The following SLC16A4 variants were observed in gnomAD, a reference collection of about 807,000 sequenced individuals.
SLC16A4 encodes probable monocarboxylate transporter 5.
Under a neutral mutation model 47.9 loss-of-function variants are expected in SLC16A4, and 39 were observed. That is an observed-to-expected ratio of 0.81 (90% CI 0.63 to 1.06). The LOEUF is 1.06. SLC16A4 is among the 50% of genes least tolerant of loss of function. SLC16A4 has a pLI of 0.00. For synonymous variants in SLC16A4, 189 were observed against 199.9 expected (o/e 0.95, Z 0.46); for missense variants, 524 against 573.8 (o/e 0.91, Z 0.89).
At chr1:110,367,263 G>A (rs559427603) in intron 8 of SLC16A4, among the ~76,000 whole-genome samples, 102 of 152,340 alleles carry the variant, frequency 6.7e-4, no homozygotes, top group Non-Finnish European at 1.0e-3. Context: ...GAAGGCCAAG[G>A]CAGGCAGATC....
At chr1:110,373,808 G>A (rs1661818042) in intron 8 of SLC16A4, among the ~76,000 whole-genome samples, 1 of 148,838 alleles carries the variant, frequency 6.7e-6, no homozygotes, top group Non-Finnish European at 1.5e-5. Flanking sequence ...CCGTGTAGCT[G>A]GGACTACAGG....
chr1:110,376,063 G>A, intron 7 of SLC16A4, among the ~76,000 whole-genome samples: 1 of 151,908 alleles, frequency 6.6e-6, no homozygotes, highest in African/African-American at 2.4e-5. Flanking sequence ...TTTTTGTAGA[G>A]ACGGAGTTTC....
chr1:110,380,619 T>G (rs1662319781), intron 5 of SLC16A4, among the ~76,000 whole-genome samples: 3 of 112,178 alleles, frequency 2.7e-5, no homozygotes, highest in African/African-American at 3.4e-5. Flanking sequence ...AAAGTGAGGG[T>G]TTTTGATGGG....
Position 110,378,844 on chromosome 1 carries a change from C to A in SLC16A4, c.1030+9G>T. On this transcript the variant is annotated intron_variant, in intron 6 of 8. Coordinates refer to ENST00000369779, the MANE Select transcript of SLC16A4 (RefSeq NM_004696.3). ...CTTTTGGGTAGGAGGCTGATGTAGG[C>A]TTTCTTACCTGCTACAGAAACAAGG... is the stretch of plus-strand genomic sequence containing the variant. 2 of 1,594,330 alleles carry A rather than the reference C, an allele frequency of 1.3e-6. No individual in the cohort carries two copies. Among genetic ancestry groups the A allele is most frequent in the African/African-American group, 1.3e-5 (1 of 74,258 alleles).
chr1:110,390,214 T>C (rs568636050), intron 1 of SLC16A4, among the ~76,000 whole-genome samples: 68 of 152,238 alleles, frequency 4.5e-4, no homozygotes, highest in African/African-American at 1.6e-3. Flanking sequence ...CTCCTAGAAC[T>C]GTACTCAGTG....
intron 2 of SLC16A4, among the ~76,000 whole-genome samples, chr1:110,384,040 A>G (rs1204135968): frequency 6.6e-6 from 1 of 152,066 alleles, no homozygotes; most frequent in Non-Finnish European, 1.5e-5. Context: ...ATTGAAGTTT[A>G]GAGAGGTAAA....
At chr1:110,372,154 T>C (rs981101308) in intron 8 of SLC16A4, 2 of 152,216 alleles carry the variant, frequency 1.3e-5, no homozygotes, top group African/African-American at 4.8e-5. Flanking sequence ...GAGAGAAATA[T>C]TGTTCATGTA....
In SLC16A4 at chr1:110,391,026, C is replaced by T. The variant is rs1276429292; in HGVS notation, c.-194G>A. 2 of 152,166 alleles carry T rather than the reference C, an allele frequency of 1.3e-5. No individual in the cohort carries two copies. Among genetic ancestry groups the T allele is most frequent in the Non-Finnish European group, 2.9e-5 (2 of 68,030 alleles). The allele number at this position is 152,166 out of a possible 1,614,324, so 9.4% of individuals were successfully genotyped here. ...TTGTAAGAGCCAAGGAGGGCTCAGA[C>T]GATTTAGGCCCTCCTGCTAGTGGAC... is the stretch of plus-strand genomic sequence containing the variant. On this transcript the variant is annotated 5_prime_UTR_variant, in exon 1 of 9. Transcript: ENST00000369779.
At chr1:110,389,953 G>A (rs2101089287) in intron 1 of SLC16A4, among the ~76,000 whole-genome samples, 1 of 152,216 alleles carries the variant, frequency 6.6e-6, no homozygotes. Context: ...TCACTATCTG[G>A]GTGAGGGGTT....
intron 7 of SLC16A4, 97 bp from the exon 8 acceptor site, chr1:110,375,648 C>A: frequency 1.5e-6 from 1 of 686,832 alleles, no homozygotes; most frequent in South Asian, 1.9e-5. Context: ...TCATCTCAAG[C>A]TATGAACAGT....
chr1:110,375,396 C>A, intron 8 of SLC16A4, 62 bp downstream of exon 8: 2 of 917,368 alleles, frequency 2.2e-6, no homozygotes, highest in East Asian at 4.8e-5. Context: ...ACCATTAATC[C>A]TGGATCAGTT....
At chr1:110,376,919 T>G (rs748220392) in intron 7 of SLC16A4, 31 bp downstream of exon 7, 1 of 1,563,174 alleles carries the variant, frequency 6.4e-7, no homozygotes, top group African/African-American at 1.4e-5. Context: ...TACTAAATGG[T>G]TTAACAATGT....
chr1:110,375,339 A>G, intron 8 of SLC16A4, 119 bp downstream of exon 8: 1 of 668,698 alleles, frequency 1.5e-6, no homozygotes, highest in Non-Finnish European at 2.7e-6. Context: ...ATATAGGAAA[A>G]GCAGAAATAA....
chr1:110,379,124 T>C lies in SLC16A4; in HGVS notation c.759A>G (p.Thr253=), dbSNP rs1662202301. Residue 253 remains threonine (T), a synonymous_variant, in exon 6 of 9, where the codon ACA becomes ACG. Transcript: ENST00000369779. ...ACTCTTCACTTTGATTTTGTGAGAC[T>C]GTTAAATTTTTGCTAGGTAGTCCAG... ...QKAGLPSKNL[T]VSQNQSEEFY... is the part of the protein sequence containing the mutation. 6.2e-7 allele frequency: 1 copy of C among 1,614,266 alleles called. No homozygotes were observed.
chr1:110,390,514 T>C (rs11805148), intron 1 of SLC16A4, among the ~76,000 whole-genome samples: 4,041 of 152,344 alleles, frequency 0.027, 99 homozygotes, highest in South Asian at 0.063. Context: ...TACAGAATAC[T>C]GTACCAAGGT....
intron 7 of SLC16A4, among the ~76,000 whole-genome samples, chr1:110,376,742 C>T (rs1557906782): frequency 6.6e-6 from 1 of 152,096 alleles, no homozygotes; most frequent in Non-Finnish European, 1.5e-5. Context: ...AATTTTATTC[C>T]TGTCCCATGT....
intron 4 of SLC16A4, among the ~76,000 whole-genome samples, chr1:110,381,426 A>G (rs1426092255): frequency 6.6e-6 from 1 of 152,162 alleles, no homozygotes; most frequent in African/African-American, 2.4e-5. Context: ...GGCTCAAGCA[A>G]TCCTCCCACC....
rs542273389 is a variant in SLC16A4, at chr1:110,380,058, C to CAAAAAAAAAAAAAAAAAAAAAAAAAAAA, written c.527-703_527-702insTTTTTTTTTTTTTTTTTTTTTTTTTTTT. On this transcript the variant is annotated intron_variant, in intron 5 of 8. Coordinates refer to ENST00000369779, the MANE Select transcript of SLC16A4 (RefSeq NM_004696.3). ...AATGACAAAGCGAGAGAGCCTGTCT[C>CAAAAAAAAAAAAAAAAAAAAAAAAAAAA]AAAAAAAAAAAAAAAGCAGCGGGAG... is the stretch of plus-strand genomic sequence containing the variant. Among the ~76,000 whole-genome samples, 41 of 96,240 alleles carry CAAAAAAAAAAAAAAAAAAAAAAAAAAAA rather than the reference C, an allele frequency of 4.3e-4. 2 individuals are homozygous for CAAAAAAAAAAAAAAAAAAAAAAAAAAAA. Among genetic ancestry groups the CAAAAAAAAAAAAAAAAAAAAAAAAAAAA allele is most frequent in the East Asian group, 4.1e-3 (8 of 1,932 alleles). The allele number at this position is 96,240 out of a possible 152,430, so 63.1% of individuals were successfully genotyped here.
chr1:110,379,440 A>T (rs1662226954), intron 5 of SLC16A4, 84 bp from the exon 6 acceptor site: 5 of 1,265,518 alleles, frequency 4.0e-6, no homozygotes, highest in Non-Finnish European at 1.1e-6. Context: ...AAGAGGCCCC[A>T]CTGGCATAGC....
Sources: allele counts gnomAD v4.1 joint callset (sites outside exome capture counted in the v4.1 genomes callset), GRCh38; gene constraint gnomAD v4.1.1; transcripts MANE v1.5; gene names NCBI Gene and HGNC (gene_info 2026-07-23, HGNC 2026-07-21).